The following GRID1 variants were observed in gnomAD, a reference collection of about 807,000 sequenced individuals.
The protein encoded by GRID1 is glutamate receptor ionotropic, delta-1.
Under a neutral mutation model 98.0 loss-of-function variants are expected in GRID1, and 28 were observed. That is an observed-to-expected ratio of 0.29 (90% confidence interval 0.21 to 0.39). The LOEUF is 0.39. Among genes scored for constraint, GRID1 ranks in the 10% least tolerant of loss-of-function variants. The probability of loss-of-function intolerance (pLI) is 1.00; values close to 1 mark genes in which losing one functional copy is unlikely to be tolerated. For missense variants in GRID1, 1,111 were observed against 1,340.5 expected, an observed-to-expected ratio of 0.83 and a Z score of 2.67; for synonymous variants, 553 against 538.5, an observed-to-expected ratio of 1.03 and a Z score of -0.37.
intron 13 of GRID1, among the ~76,000 whole-genome samples, chr10:85,639,571 G>T (rs1398915988): frequency 1.3e-5 from 2 of 152,132 alleles, no homozygotes; most frequent in Non-Finnish European, 2.9e-5. Context: ...AAAGACTAAA[G>T]GCTGTTGCCT....
chr10:86,115,346 A>G (rs911590267), intron 4 of GRID1, among the ~76,000 whole-genome samples: 2 of 151,114 alleles, frequency 1.3e-5, no homozygotes, highest in Non-Finnish European at 2.9e-5. Flanking sequence ...TGAATGAAAC[A>G]ATAGATGAAT....
In GRID1 at chr10:86,269,010, A is replaced by AT. The variant is rs199504872; in HGVS notation, c.236-62363dup. Among the ~76,000 whole-genome samples, 676 of 152,130 alleles carry AT rather than the reference A, an allele frequency of 4.4e-3. 11 individuals carry two copies. Among genetic ancestry groups the AT allele is most frequent in the Non-Finnish European group, 5.7e-3 (387 of 67,982 alleles). On this transcript the variant is annotated intron_variant, in intron 2 of 15. Transcript: ENST00000327946. ...GTCTCAAAAAAAAATGAAAAGAAAG[A>AT]TTGGGGTTTGGAAAGCAGACTTGGG...
intron 8 of GRID1, among the ~76,000 whole-genome samples, chr10:85,834,060 C>A (rs2131764485): frequency 6.6e-6 from 1 of 152,212 alleles, no homozygotes; most frequent in Non-Finnish European, 1.5e-5. Flanking sequence ...GAGACTGAGG[C>A]TGAAAGACTA....
intron 3 of GRID1, among the ~76,000 whole-genome samples, chr10:86,152,100 C>G (rs1845178296): frequency 6.6e-6 from 1 of 152,198 alleles, no homozygotes; most frequent in Non-Finnish European, 1.5e-5. Context: ...TTTCTCCAGA[C>G]AGAGGGAAGG....
intron 12 of GRID1, among the ~76,000 whole-genome samples, chr10:85,694,760 C>T (rs1333128399): frequency 1.4e-5 from 2 of 141,992 alleles, no homozygotes; most frequent in Non-Finnish European, 3.0e-5. Context: ...ATGATAGGTA[C>T]ACATGGACAA....
At chr10:85,860,652 G>A (rs933656049) in intron 6 of GRID1, among the ~76,000 whole-genome samples, 4 of 152,246 alleles carry the variant, frequency 2.6e-5, no homozygotes, top group African/African-American at 9.6e-5. Flanking sequence ...GCTTAGGCAA[G>A]TGGTCTAATA....
intron 3 of GRID1, among the ~76,000 whole-genome samples, chr10:86,200,395 G>C (rs1052630027): frequency 6.6e-6 from 1 of 152,200 alleles, no homozygotes; most frequent in Non-Finnish European, 1.5e-5. Context: ...GCATGGCAAA[G>C]TGGAGCAGTG....
intron 12 of GRID1, among the ~76,000 whole-genome samples, chr10:85,689,272 CA>C (rs1393789647): frequency 6.6e-6 from 1 of 151,746 alleles, no homozygotes; most frequent in Non-Finnish European, 1.5e-5. Flanking sequence ...GAGCCAGGAA[CA>C]AAAAGTCAAC....
intron 15 of GRID1, among the ~76,000 whole-genome samples, chr10:85,611,412 C>T (rs145865675): frequency 2.6e-4 from 40 of 152,284 alleles, no homozygotes; most frequent in Non-Finnish European, 4.9e-4. Context: ...TGTCTCCAGG[C>T]CCCCACCCTT....
intron 2 of GRID1, among the ~76,000 whole-genome samples, chr10:86,215,539 A>C (rs1440694960): frequency 1.3e-5 from 2 of 152,122 alleles, no homozygotes; most frequent in Non-Finnish European, 2.9e-5. Context: ...TTCACATGGA[A>C]GCCTACACTG....
chr10:85,726,266 A>G (rs1841759305), intron 10 of GRID1, among the ~76,000 whole-genome samples: 1 of 151,948 alleles, frequency 6.6e-6, no homozygotes, highest in East Asian at 1.9e-4. Context: ...AGGATAGAAG[A>G]TTCTTAGGTA....
At chr10:85,682,020 G>A (rs1366823225) in intron 12 of GRID1, among the ~76,000 whole-genome samples, 1 of 152,000 alleles carries the variant, frequency 6.6e-6, no homozygotes, top group Non-Finnish European at 1.5e-5. Context: ...GGTGGGGCAA[G>A]CAGCAGACAG....
intron 4 of GRID1, among the ~76,000 whole-genome samples, chr10:85,920,997 T>C (rs1395403963): frequency 6.6e-6 from 1 of 152,204 alleles, no homozygotes; most frequent in Non-Finnish European, 1.5e-5. Context: ...GCCAAACCAC[T>C]GGGCCCATCT....
At chr10:85,628,071 ATG>A (rs967730044) in intron 13 of GRID1, among the ~76,000 whole-genome samples, 2 of 150,376 alleles carry the variant, frequency 1.3e-5, no homozygotes, top group Non-Finnish European at 3.0e-5. Flanking sequence ...TGTGAGGGAG[ATG>A]TGTGTGTATA....
chr10:86,120,283 C>T (rs563500990), intron 4 of GRID1, among the ~76,000 whole-genome samples: 1 of 152,190 alleles, frequency 6.6e-6, no homozygotes, highest in Admixed American at 6.5e-5. Context: ...ACCCTTGCTG[C>T]CCCACTGTTT....
At chr10:86,164,671 G>C (rs1845372404) in intron 3 of GRID1, among the ~76,000 whole-genome samples, 1 of 152,232 alleles carries the variant, frequency 6.6e-6, no homozygotes, top group Non-Finnish European at 1.5e-5. Context: ...CCAAGGCATG[G>C]AGGAGGAGTT....
intron 4 of GRID1, among the ~76,000 whole-genome samples, chr10:85,924,193 G>T (rs1183816358): frequency 1.3e-5 from 2 of 152,246 alleles, no homozygotes; most frequent in African/African-American, 2.4e-5. Flanking sequence ...CAGTTAAAAA[G>T]AATATGAATG....
intron 4 of GRID1, among the ~76,000 whole-genome samples, chr10:85,936,526 A>AAG (rs1442746143): frequency 1.3e-5 from 2 of 151,902 alleles, no homozygotes; most frequent in Non-Finnish European, 1.5e-5. Context: ...ACTAAAAAAA[A>AAG]AAAAGAAAAA....
intron 12 of GRID1, among the ~76,000 whole-genome samples, chr10:85,666,052 T>C (rs973545262): frequency 6.6e-6 from 1 of 152,186 alleles, no homozygotes; most frequent in African/African-American, 2.4e-5. Flanking sequence ...AGAGCAAATA[T>C]GTGATTTTTC....
Sources: allele counts gnomAD v4.1 joint callset (sites outside exome capture counted in the v4.1 genomes callset), GRCh38; gene constraint gnomAD v4.1.1; transcripts MANE v1.5; gene names NCBI Gene and HGNC (gene_info 2026-07-23, HGNC 2026-07-21).